PCDH7: variants seen among roughly 807,000 people sequenced by gnomAD.
PCDH7 encodes protocadherin-7.
In PCDH7, 17 loss-of-function variants were observed where a neutral mutation model predicts 58.9. The observed-to-expected ratio is 0.29, with a 90% CI of 0.20 to 0.43. The LOEUF is 0.43. Among genes scored for constraint, PCDH7 ranks in the 20% least tolerant of loss-of-function variants. The pLI, the probability that PCDH7 is intolerant of heterozygous loss-of-function variation, is 1.00. For synonymous variants in PCDH7, 664 were observed against 616.4 expected (o/e 1.08, Z -1.14); for missense variants, 1,274 against 1,441.0 (o/e 0.88, Z 1.88).
At chr4:30,852,893 AGCAGAGAATTCCTTGTCTGTGCTC>A (rs1732956743) in intron 1 of PCDH7, among the ~76,000 whole-genome samples, 1 of 151,604 alleles carries the variant, frequency 6.6e-6, no homozygotes, top group Admixed American at 6.6e-5. Flanking sequence ...TTCACTGAAC[AGCAGAGAATTCCTTGTCTGTGCTC>A]CCAGTGTTTA....
At chr4:30,906,369 A>G (rs1298580261) in intron 1 of PCDH7, among the ~76,000 whole-genome samples, 2 of 152,178 alleles carry the variant, frequency 1.3e-5, no homozygotes, top group Non-Finnish European at 1.5e-5. Flanking sequence ...ATTGTCCCAT[A>G]TTTCACACAA....
chr4:30,990,355 T>G (rs558931009), intron 3 of PCDH7, among the ~76,000 whole-genome samples: 28 of 151,912 alleles, frequency 1.8e-4, no homozygotes, highest in Non-Finnish European at 3.5e-4. Flanking sequence ...ACTATAGAAA[T>G]GTTTTCAGCA....
intron 1 of PCDH7, among the ~76,000 whole-genome samples, chr4:30,745,275 GA>G (rs1207010377): frequency 7.2e-5 from 11 of 151,844 alleles, no homozygotes; most frequent in African/African-American, 2.2e-4. Flanking sequence ...ATTGGTTGTA[GA>G]GGGTGTTCTA....
rs190596826 is a variant in PCDH7 at position 31,088,224 on chromosome 4, T to C, written c.*8-54249T>C. Among the ~76,000 whole-genome samples, 538 of 152,112 alleles carry C rather than the reference T, an allele frequency of 3.5e-3. 2 individuals are homozygous for C. The highest frequency in any genetic ancestry group is 6.8e-3 in the Middle Eastern group (2 of 294). ...CTCACATGTTTACACAGAGCATCCATTGGGGACATTGTTATTATCTATTTA... is the reference window on the plus strand; with the variant it reads ...CTCACATGTTTACACAGAGCATCCACTGGGGACATTGTTATTATCTATTTA... On this transcript the variant is annotated intron_variant, in intron 3 of 3. Transcript: ENST00000509759.
In PCDH7 at chr4:30,894,197, G is replaced by C. The variant is rs1738987357; in HGVS notation, c.71-25956G>C. On this transcript the variant is annotated intron_variant, in intron 1 of 3. Transcript: ENST00000509759. ...GTGCTTGAAGTTTGCTTTCCAGACAGCTTAGGCAGGCTTTGAATTCTATTA... is the reference window on the plus strand; with the variant it reads ...GTGCTTGAAGTTTGCTTTCCAGACACCTTAGGCAGGCTTTGAATTCTATTA... Among the ~76,000 whole-genome samples the C allele has an allele frequency of 4.6e-5, 7 of 151,962 alleles. No homozygotes were observed. In the South Asian group the frequency reaches 1.4e-3, roughly 31 times the overall value.
At chr4:31,039,098 T>C (rs964741361) in intron 3 of PCDH7, among the ~76,000 whole-genome samples, 6 of 152,140 alleles carry the variant, frequency 3.9e-5, no homozygotes, top group African/African-American at 1.4e-4. Context: ...GTAAGAATTA[T>C]CAATTCTAAA....
intron 3 of PCDH7, among the ~76,000 whole-genome samples, chr4:30,969,569 C>T (rs1269820241): frequency 6.6e-6 from 1 of 152,110 alleles, no homozygotes; most frequent in Non-Finnish European, 1.5e-5. Flanking sequence ...TCTTTAGCCT[C>T]ATCTCTAAAT....
At chr4:30,920,261 A>T in exon 2 of PCDH7, 1 of 1,367,682 alleles carries the variant, frequency 7.3e-7, no homozygotes, top group Non-Finnish European at 9.8e-7. Flanking sequence ...AACACCAAGC[A>T]GTAAGAGTTC....
At chr4:30,894,741 A>C (rs116668005) in intron 1 of PCDH7, among the ~76,000 whole-genome samples, 4,155 of 150,458 alleles carry the variant, frequency 0.028, 191 homozygotes, top group African/African-American at 0.094. Context: ...CTACCATGAG[A>C]TGGATAAGGA....
intron 1 of PCDH7, among the ~76,000 whole-genome samples, chr4:30,851,273 T>G (rs1438364380): frequency 3.3e-5 from 5 of 151,978 alleles, no homozygotes; most frequent in Non-Finnish European, 7.4e-5. Context: ...CATTTGGGCC[T>G]GGAAATTAGA....
intron 1 of PCDH7, among the ~76,000 whole-genome samples, chr4:30,903,560 T>C (rs1405928179): frequency 2.0e-5 from 3 of 152,144 alleles, no homozygotes; most frequent in African/African-American, 7.2e-5. Context: ...AGTGTAAATC[T>C]GTTTCACTTA....
At chr4:30,837,004 C>A (rs1276256429) in intron 1 of PCDH7, among the ~76,000 whole-genome samples, 1 of 152,092 alleles carries the variant, frequency 6.6e-6, no homozygotes, top group Non-Finnish European at 1.5e-5. Flanking sequence ...CATTGAGAAA[C>A]CAGCTTTTGG....
At chr4:30,761,143 C>G (rs1408384218) in intron 1 of PCDH7, among the ~76,000 whole-genome samples, 53 of 152,168 alleles carry the variant, frequency 3.5e-4, no homozygotes, top group Admixed American at 3.5e-3. Context: ...GCTGGAACAT[C>G]CAGATGAGGA....
At chr4:31,139,987 G>T (rs147432861) in intron 3 of PCDH7, among the ~76,000 whole-genome samples, 1 of 152,142 alleles carries the variant, frequency 6.6e-6, no homozygotes, top group Non-Finnish European at 1.5e-5. Flanking sequence ...GCTGCCTTTC[G>T]TTAAAAGCAA....
At chr4:30,860,126 G>A (rs1734011808) in intron 1 of PCDH7, among the ~76,000 whole-genome samples, 1 of 152,102 alleles carries the variant, frequency 6.6e-6, no homozygotes, top group Admixed American at 6.6e-5. Flanking sequence ...CTGAAGGGTG[G>A]CTCTCATTAT....
intron 3 of PCDH7, among the ~76,000 whole-genome samples, chr4:31,123,553 G>A (rs1717930382): frequency 6.6e-6 from 1 of 152,186 alleles, no homozygotes; most frequent in South Asian, 2.1e-4. Flanking sequence ...GCCCATGGCA[G>A]CATCTAAAGG....
chr4:30,964,520 C>T (rs1380420106), intron 3 of PCDH7, among the ~76,000 whole-genome samples: 1 of 151,934 alleles, frequency 6.6e-6, no homozygotes, highest in Non-Finnish European at 1.5e-5. Flanking sequence ...GGATTACAGG[C>T]GTGAGCCACC....
At chr4:30,964,454 G>C (rs943189828) in intron 3 of PCDH7, among the ~76,000 whole-genome samples, 4 of 151,884 alleles carry the variant, frequency 2.6e-5, no homozygotes, top group African/African-American at 9.7e-5. Flanking sequence ...TGTTAGCCAG[G>C]ATGGTGTCAA....
At chr4:30,759,158 T>TTGAACTCCTGGA (rs1719710970) in intron 1 of PCDH7, among the ~76,000 whole-genome samples, 1 of 151,672 alleles carries the variant, frequency 6.6e-6, no homozygotes, top group African/African-American at 2.4e-5. Flanking sequence ...GCCAGGCTGG[T>TTGAACTCCTGGA]CTTGAACTCC....
Sources: allele counts gnomAD v4.1 joint callset (sites outside exome capture counted in the v4.1 genomes callset), GRCh38; gene constraint gnomAD v4.1.1; transcripts MANE v1.5; gene names NCBI Gene and HGNC (gene_info 2026-07-23, HGNC 2026-07-21).